The following WDR41 variants were observed in gnomAD, a reference collection of about 807,000 sequenced individuals.
WDR41 encodes the protein WD repeat-containing protein 41.
A neutral mutation model predicts 69.3 loss-of-function variants in WDR41; 63 were observed. The observed-to-expected ratio is 0.91, with a 90% CI of 0.74 to 1.12. The LOEUF is 1.12. Among genes scored for constraint, WDR41 ranks in the 50% most tolerant of loss-of-function variants. The pLI is 0.00. For missense variants in WDR41, 543 were observed against 534.5 expected (o/e 1.02, Z -0.16); for synonymous variants, 185 against 192.1 (o/e 0.96, Z 0.31).
intron 1 of WDR41, among the ~76,000 whole-genome samples, chr5:77,580,069 CAT>C (rs1362430698): frequency 1.3e-5 from 2 of 148,270 alleles, no homozygotes; most frequent in Admixed American, 1.3e-4. Flanking sequence ...ATAAGAGTAA[CAT>C]TGATAGATAG....
intron 12 of WDR41, among the ~76,000 whole-genome samples, chr5:77,434,830 G>C (rs1427140042): frequency 6.6e-6 from 1 of 152,132 alleles, no homozygotes; most frequent in Non-Finnish European, 1.5e-5. Flanking sequence ...CTAAGAAGCT[G>C]ACACTGTTTT....
At chr5:77,614,087 C>G (rs1163903768) in intron 1 of WDR41, among the ~76,000 whole-genome samples, 2 of 151,952 alleles carry the variant, frequency 1.3e-5, no homozygotes, top group Non-Finnish European at 2.9e-5. Context: ...AAATCAAAAC[C>G]ACAACGAGAT....
intron 1 of WDR41, among the ~76,000 whole-genome samples, chr5:77,524,506 C>G (rs1395360142): frequency 6.6e-6 from 1 of 152,106 alleles, no homozygotes; most frequent in Non-Finnish European, 1.5e-5. Flanking sequence ...ATGGGAGAAT[C>G]GCTTGAGCCC....
chr5:77,481,568 CG>C (rs1801262634), intron 2 of WDR41, among the ~76,000 whole-genome samples: 2 of 151,942 alleles, frequency 1.3e-5, no homozygotes, highest in South Asian at 4.2e-4. Flanking sequence ...AGGCGGAACA[CG>C]AGATCAGGAG....
chr5:77,474,201 C>G (rs938660001), intron 2 of WDR41, among the ~76,000 whole-genome samples: 1 of 151,976 alleles, frequency 6.6e-6, no homozygotes, highest in African/African-American at 2.4e-5. Flanking sequence ...AACCAAACAC[C>G]GCATGTTCTC....
At chr5:77,454,401 A>G (rs887798078) in intron 5 of WDR41, among the ~76,000 whole-genome samples, 6 of 152,246 alleles carry the variant, frequency 3.9e-5, no homozygotes, top group Non-Finnish European at 8.8e-5. Context: ...AGTCCTAATC[A>G]CAAACACTGT....
intron 1 of WDR41, among the ~76,000 whole-genome samples, chr5:77,558,524 C>T (rs954085106): frequency 6.6e-6 from 1 of 152,118 alleles, no homozygotes; most frequent in Non-Finnish European, 1.5e-5. Flanking sequence ...CATCATTAGC[C>T]CTCTTGGGGC....
chr5:77,548,746 A>C (rs983998238), intron 1 of WDR41, among the ~76,000 whole-genome samples: 2 of 152,196 alleles, frequency 1.3e-5, no homozygotes, highest in African/African-American at 4.8e-5. Flanking sequence ...TAAAAGTAGA[A>C]CTACCATTTG....
rs114889682 is a variant in WDR41 at position 77,546,198 on chromosome 5, C to T, written c.43-56626G>A. ...GTCTCCCTATAAGTAATTCACTGAC[C>T]ACCTCGTCAAGACCCACTCTAGAGT... On this transcript the variant is annotated intron_variant, in intron 1 of 5. Coordinates refer to the WDR41 transcript ENST00000509971. The T allele has an allele frequency of 8.9e-3, 3,742 of 420,220 alleles. 86 individuals carry two copies. The highest frequency in any genetic ancestry group is 0.054 in the African/African-American group (2,610 of 48,750). The allele number at this position is 420,220 out of a possible 1,614,324, so 26.0% of individuals were successfully genotyped here.
intron 1 of WDR41, among the ~76,000 whole-genome samples, chr5:77,572,685 A>C (rs1743753431): frequency 6.6e-6 from 1 of 152,196 alleles, no homozygotes; most frequent in East Asian, 1.9e-4. Context: ...TATCAAGACC[A>C]CCTTCCCCAC....
intron 8 of WDR41, among the ~76,000 whole-genome samples, 188 bp from the exon 9 acceptor site, chr5:77,441,185 T>C (rs1352670082): frequency 6.6e-6 from 1 of 152,186 alleles, no homozygotes; most frequent in Non-Finnish European, 1.5e-5. Context: ...ATTATCTTAG[T>C]AATTTAGTAT....
intron 1 of WDR41, among the ~76,000 whole-genome samples, chr5:77,511,800 C>T (rs765237901): frequency 6.6e-6 from 1 of 151,762 alleles, no homozygotes; most frequent in East Asian, 1.9e-4. Flanking sequence ...GTAAGTAAGG[C>T]GTCCAAGATA....
intron 1 of WDR41, among the ~76,000 whole-genome samples, chr5:77,550,323 A>C (rs1338167031): frequency 6.6e-6 from 1 of 152,224 alleles, no homozygotes; most frequent in Non-Finnish European, 1.5e-5. Flanking sequence ...AAAATGGGAG[A>C]AAATATTTGC....
intron 1 of WDR41, among the ~76,000 whole-genome samples, chr5:77,587,488 C>G (rs572901443): frequency 3.3e-5 from 5 of 152,332 alleles, no homozygotes; most frequent in Admixed American, 1.3e-4. Flanking sequence ...CCCATCTCCA[C>G]TTACTCATCA....
At chr5:77,491,233 G>C in intron 1 of WDR41, 1 of 383,066 alleles carries the variant, frequency 2.6e-6, no homozygotes, top group South Asian at 1.8e-5. Flanking sequence ...GGCTCAAAAA[G>C]CTCCCCTGAG....
chr5:77,467,525 A>G (rs147532937), intron 2 of WDR41, among the ~76,000 whole-genome samples: 3 of 152,150 alleles, frequency 2.0e-5, no homozygotes, highest in African/African-American at 7.2e-5. Flanking sequence ...TGAAACACAC[A>G]ATTATATGAT....
intron 1 of WDR41, among the ~76,000 whole-genome samples, chr5:77,512,949 T>A (rs564644657): frequency 3.4e-4 from 52 of 152,278 alleles, no homozygotes; most frequent in African/African-American, 1.3e-3. Flanking sequence ...TAGGAAGTCT[T>A]AATTAGCAAT....
At chr5:77,521,157 T>C (rs1396195003) in intron 1 of WDR41, among the ~76,000 whole-genome samples, 1 of 151,266 alleles carries the variant, frequency 6.6e-6, no homozygotes, top group Non-Finnish European at 1.5e-5. Context: ...AGACAATTTT[T>C]CCATGCTGGG....
intron 1 of WDR41, among the ~76,000 whole-genome samples, chr5:77,612,055 A>G (rs1744564815): frequency 2.0e-5 from 3 of 152,210 alleles, no homozygotes; most frequent in Admixed American, 6.5e-5. Context: ...AAATGGATAA[A>G]TTCCTCGACA....
Sources: allele counts gnomAD v4.1 joint callset (sites outside exome capture counted in the v4.1 genomes callset), GRCh38; gene constraint gnomAD v4.1.1; transcripts MANE v1.5; gene names NCBI Gene and HGNC (gene_info 2026-07-23, HGNC 2026-07-21).